SMUG1: variants seen among roughly 807,000 people sequenced by gnomAD.
SMUG1 encodes the protein single-strand selective monofunctional uracil DNA glycosylase.
In SMUG1, 13 loss-of-function variants were observed where a neutral mutation model predicts 23.9. The observed-to-expected ratio is 0.54, with a 90% CI of 0.35 to 0.86. The LOEUF (loss-of-function observed/expected upper bound fraction) is 0.86. Ranked by LOEUF, SMUG1 falls within the 40% of genes least tolerant of loss-of-function variation. The pLI, the probability that SMUG1 is intolerant of heterozygous loss-of-function variation, is 0.01. For synonymous variants in SMUG1, 133 were observed against 139.8 expected, an observed-to-expected ratio of 0.95 and a Z score of 0.34; for missense variants, 313 against 339.5, an observed-to-expected ratio of 0.92 and a Z score of 0.61.
chr12:54,181,775 A>G lies in SMUG1; in HGVS notation c.*321T>C, dbSNP rs572556951. On this transcript the variant is annotated 3_prime_UTR_variant, in exon 4 of 4. Coordinates refer to ENST00000682136, the MANE Select transcript of SMUG1 (RefSeq NM_001243787.2). ...CTGTCTAGGGCACTCTCAGCTGAAT[A>G]AAGTCTCCCAAGGAAACACTGAGGT... 90 of 1,443,608 alleles carry G rather than the reference A, an allele frequency of 6.2e-5. 2 individuals carry two copies. Among genetic ancestry groups the G allele is most frequent in the East Asian group, 6.2e-4 (25 of 40,150 alleles). The allele number at this position is 1,443,608 out of a possible 1,614,324, so 89.4% of individuals were successfully genotyped here. A position where few individuals can be genotyped will look rare whatever the true frequency, so the allele number is the denominator to read the frequency against.
Position 54,181,335 on chromosome 12 carries a change from A to C in SMUG1, c.*761T>G. The C allele has an allele frequency of 1.7e-6, 1 of 577,052 alleles. No homozygotes were observed. The highest frequency in any genetic ancestry group is 2.1e-5 in the South Asian group (1 of 47,164). 35.7% of individuals were successfully genotyped at this position (577,052 alleles called of 1,614,324 possible). A position where few individuals can be genotyped will look rare whatever the true frequency, so the allele number is the denominator to read the frequency against. Reference sequence around the variant, plus strand: ...GTGCAGTGCTGTGAATCCTCAACCCAGAGGCAAGAAAACAAGAAGACTATG... The same window carrying C: ...GTGCAGTGCTGTGAATCCTCAACCCCGAGGCAAGAAAACAAGAAGACTATG... On this transcript the variant is annotated 3_prime_UTR_variant, in exon 4 of 4. Coordinates refer to ENST00000682136, the MANE Select transcript of SMUG1 (RefSeq NM_001243787.2).
At chr12:54,176,592 G>A (rs1234229187), downstream of SMUG1, among the ~76,000 whole-genome samples, 1 of 143,168 alleles carries the variant, frequency 7.0e-6, no homozygotes, top group Non-Finnish European at 1.5e-5. Context: ...GGATCACAAG[G>A]TCAGGAGATT....
At chr12:54,170,591 C>CT (rs1374413280) in intron 3 of SMUG1, among the ~76,000 whole-genome samples, 1 of 151,928 alleles carries the variant, frequency 6.6e-6, no homozygotes, top group Non-Finnish European at 1.5e-5. Context: ...ACCTCCACAA[C>CT]TTTTTTTAGT....
At chr12:54,177,574 C>G (rs1940788507), downstream of SMUG1, among the ~76,000 whole-genome samples, 1 of 151,676 alleles carries the variant, frequency 6.6e-6, no homozygotes, top group Admixed American at 6.6e-5. Context: ...TAGATGACAC[C>G]AAATTATTTC....
In SMUG1 at chr12:54,182,236, G is replaced by A. The variant is rs774401284; in HGVS notation, c.673C>T (p.Leu225=). 3 of 1,612,090 alleles carry A rather than the reference G, an allele frequency of 1.9e-6. No homozygotes were observed. Among genetic ancestry groups the A allele is most frequent in the Non-Finnish European group, 2.5e-6 (3 of 1,178,742 alleles). The change falls in exon 4 of 4, where the codon CTG becomes TTG. Residue 225 remains leucine, a synonymous_variant. Coordinates refer to ENST00000682136, the MANE Select transcript of SMUG1 (RefSeq NM_001243787.2). ...TGGACCTCTGGCATCAGGCCTGCCA[G>A]AGCCCGTCGTGCCCGCTGCTCTGCC... The part of the protein sequence containing the change: ...RLAEQRARRA[L]AGLMPEVQVE...
chr12:54,164,705 G>A (rs1940389195), downstream of SMUG1: 3 of 152,394 alleles, frequency 2.0e-5, no homozygotes, highest in Admixed American at 1.3e-4. Flanking sequence ...AGTCCCCAAA[G>A]CAGAACAGAA....
chr12:54,175,048 T>C (rs955629764), intron 2 of SMUG1: 1 of 152,336 alleles, frequency 6.6e-6, no homozygotes, highest in South Asian at 2.1e-4. Flanking sequence ...AGCTGGGAAG[T>C]TTATCCATGT....
At position 54,183,809 on chromosome 12, in the gene SMUG1, C is replaced by T. The variant is rs772349670; in HGVS notation, c.132G>A (p.Gln44=). The stretch of plus-strand genomic sequence containing the variant: ...TGCCCACAGGCTCCGAAAACTGCAG[C>T]TGGCTCAGCTCAGCATTGAGCCGAA... ...EELRLNAELS[Q]LQFSEPVGII... Residue 44 remains glutamine, a synonymous_variant, in exon 3 of 4, where the codon CAG becomes CAA. Transcript: ENST00000682136. 6.2e-7 allele frequency: 1 copy of T among 1,614,158 alleles called. No homozygotes were observed. The highest frequency in any genetic ancestry group is 8.5e-7 in the Non-Finnish European group (1 of 1,180,008).
downstream of SMUG1, among the ~76,000 whole-genome samples, chr12:54,177,529 A>T (rs11170838): frequency 0.61 from 93,187 of 152,012 alleles, 28,777 homozygotes; most frequent in South Asian, 0.75. Context: ...ACAGCCACAC[A>T]TGGCTAGTGG....
chr12:54,165,185 C>G lies in SMUG1; in HGVS notation c.*157+189G>C, dbSNP rs372321579. The stretch of plus-strand genomic sequence containing the variant: ...ACTTCAAGTTAGCTTTCTGTTCACT[C>G]TCATGGCAACCCCTCCAACCACCAG... On this transcript the variant is annotated intron_variant and NMD_transcript_variant, in intron 4 of 4. Coordinates refer to the SMUG1 transcript ENST00000509864. Among the ~76,000 whole-genome samples the G allele has an allele frequency of 1.8e-4, 28 of 152,282 alleles. No individual in the cohort carries two copies. In the South Asian group the frequency reaches 4.8e-3, roughly 26 times the overall value.
downstream of SMUG1, among the ~76,000 whole-genome samples, chr12:54,179,661 C>G (rs1378975921): frequency 2.0e-5 from 3 of 152,162 alleles, no homozygotes; most frequent in Non-Finnish European, 4.4e-5. Flanking sequence ...CAAGACTGCT[C>G]TCACTTCAGA....
At chr12:54,185,904 G>A (rs969588321) in intron 2 of SMUG1, among the ~76,000 whole-genome samples, 1 of 152,068 alleles carries the variant, frequency 6.6e-6, no homozygotes, top group African/African-American at 2.4e-5. Context: ...AAAGGGAAGA[G>A]AGAAGGGAGG....
chr12:54,165,552 A>T (rs1592340900), intron 3 of SMUG1: 1 of 152,194 alleles, frequency 6.6e-6, no homozygotes, highest in Non-Finnish European at 1.5e-5. Context: ...CAGGACTATA[A>T]TCACAGCTAC....
Position 54,182,145 on chromosome 12 carries a change from G to A in SMUG1, c.764C>T (p.Ala255Val). Residue 255 changes from alanine (A) to valine (V), a missense_variant, in exon 4 of 4, where the codon GCC (alanine) becomes GTC (valine). Ala to Val is a moderately conservative substitution (Grantham distance 64, BLOSUM62 0). Coordinates refer to ENST00000682136, the MANE Select transcript of SMUG1 (RefSeq NM_001243787.2). Reference sequence around the variant, plus strand: ...CCCCAGCTCATTCAATCTTTCCTTGGCCACTGCCTCCCAGCCCTTGTTGGC... The same window carrying A: ...CCCCAGCTCATTCAATCTTTCCTTGACCACTGCCTCCCAGCCCTTGTTGGC... The part of the protein sequence containing the change: ...PQANKGWEAV[A>V]KERLNELGLL... 6.3e-7 allele frequency: 1 copy of A among 1,580,588 alleles called. No homozygotes were observed. The highest frequency in any genetic ancestry group is 8.6e-7 in the Non-Finnish European group (1 of 1,161,930).
intron 3 of SMUG1, among the ~76,000 whole-genome samples, chr12:54,165,907 AT>A (rs1940443418): frequency 6.6e-6 from 1 of 152,226 alleles, no homozygotes; most frequent in Non-Finnish European, 1.5e-5. Flanking sequence ...AGCACCTACT[AT>A]TAGTCATGCA....
downstream of SMUG1, chr12:54,162,516 G>A (rs1261910808): frequency 6.6e-6 from 1 of 152,118 alleles, no homozygotes; most frequent in Non-Finnish European, 1.5e-5. Context: ...TATGGGATGG[G>A]TTTCCAGAAA....
downstream of SMUG1, among the ~76,000 whole-genome samples, chr12:54,179,725 C>T (rs1383654293): frequency 2.0e-5 from 3 of 152,138 alleles, no homozygotes; most frequent in Non-Finnish European, 4.4e-5. Context: ...GACCAACTGG[C>T]TATAAATTCA....
intron 2 of SMUG1, among the ~76,000 whole-genome samples, chr12:54,186,520 T>G (rs1942520428): frequency 6.6e-6 from 1 of 152,132 alleles, no homozygotes; most frequent in Admixed American, 6.5e-5. Context: ...TTTCGTATTT[T>G]CAGTAGAGAC....
chr12:54,184,744 C>G (rs1232748567), intron 2 of SMUG1, among the ~76,000 whole-genome samples: 1 of 152,238 alleles, frequency 6.6e-6, no homozygotes, highest in Non-Finnish European at 1.5e-5. Context: ...TTCTTTCCCA[C>G]ACTCAGGAAT....
Sources: allele counts gnomAD v4.1 joint callset (sites outside exome capture counted in the v4.1 genomes callset), GRCh38; gene constraint gnomAD v4.1.1; transcripts MANE v1.5; gene names NCBI Gene and HGNC (gene_info 2026-07-23, HGNC 2026-07-21).